The following KLHL12 variants were observed in gnomAD, a reference collection of about 807,000 sequenced individuals.
The protein encoded by KLHL12 is kelch like family member 12, also known as kelch-like protein 12.
A neutral mutation model predicts 60.8 loss-of-function variants in KLHL12; 17 were observed. The ratio of observed to expected loss-of-function variants is 0.28; its 90% confidence interval spans 0.19 to 0.42. The LOEUF is 0.42. Ranked by LOEUF, KLHL12 falls within the 10% of genes least tolerant of loss-of-function variation. The pLI, the probability that KLHL12 is intolerant of heterozygous loss-of-function variation, is 1.00. For synonymous variants in KLHL12, 220 were observed against 250.9 expected, an observed-to-expected ratio of 0.88 and a Z score of 1.16; for missense variants, 468 against 722.3, an observed-to-expected ratio of 0.65 and a Z score of 4.04.
rs1659730820 is a variant in KLHL12 at position 202,893,205 on chromosome 1, C to T, written c.1580+34G>A. 1 of 1,533,894 alleles carries T rather than the reference C, an allele frequency of 6.5e-7. No individual in the cohort carries two copies. The highest frequency in any genetic ancestry group is 8.8e-7 in the Non-Finnish European group (1 of 1,130,560). The stretch of plus-strand genomic sequence containing the variant: ...ATCACATAGACTCTTGCTCTGGCTA[C>T]ATATTGAGTCTGGATTCGTTTCTAA... On this transcript the variant is annotated intron_variant, in intron 11 of 11. Coordinates refer to ENST00000367261, the MANE Select transcript of KLHL12 (RefSeq NM_021633.4). This position sits in a 1 kb window ranked among gnomAD's most constrained non-coding sequence, Gnocchi z 4.1.
At position 202,896,939 on chromosome 1, in the gene KLHL12, A is replaced by G. The variant is rs1659852272; in HGVS notation, c.854T>C (p.Val285Ala). 6.2e-7 allele frequency: 1 copy of G among 1,614,072 alleles called. No individual in the cohort carries two copies. The highest frequency in any genetic ancestry group is 8.5e-7 in the Non-Finnish European group (1 of 1,179,974). The change falls in exon 7 of 12, where the codon GTG becomes GCG. Residue 285 changes from valine (V) to alanine (A), a missense_variant. By Grantham distance (64) the Val-to-Ala change is moderately conservative. Coordinates refer to ENST00000367261, the MANE Select transcript of KLHL12 (RefSeq NM_021633.4). ...CTGCTGGCTTCCAAAGCCCCCAACCACCAAAAGCACTTCATTGGCTCCTGA... is the reference window on the plus strand; with the variant it reads ...CTGCTGGCTTCCAAAGCCCCCAACCGCCAAAAGCACTTCATTGGCTCCTGA... ...ARLGANEVLL[V>A]VGGFGSQQSP...
chr1:202,896,710 G>C (rs1479146161), intron 7 of KLHL12, 144 bp downstream of exon 7: 35 of 704,102 alleles, frequency 5.0e-5, no homozygotes, highest in Non-Finnish European at 8.5e-5. Context: ...TGTTAAGTAA[G>C]TACCTACTAT....
In KLHL12 at chr1:202,919,700, T is replaced by C. The variant is rs911926291; in HGVS notation, c.349+55A>G. 8 of 1,519,102 alleles carry C rather than the reference T, an allele frequency of 5.3e-6. 1 individual carries two copies. The African/African-American group carries it at 8.4e-5, about 16-fold the overall frequency. The allele number at this position is 1,519,102 out of a possible 1,614,324, so 94.1% of individuals were successfully genotyped here. A position where few individuals can be genotyped will look rare whatever the true frequency, so the allele number is the denominator to read the frequency against. ...ATGATTAAGTTTACACTATTAATTT[T>C]CAACCTTTCCAGGGCTATTTTGACA... On this transcript the variant is annotated intron_variant, in intron 3 of 11. Coordinates refer to ENST00000367261, the MANE Select transcript of KLHL12 (RefSeq NM_021633.4).
At position 202,927,149 on chromosome 1, in the gene KLHL12, C is replaced by A. The variant is rs373418244; in HGVS notation, c.-106G>T. 9 of 985,230 alleles carry A rather than the reference C, an allele frequency of 9.1e-6. No individual in the cohort carries two copies. The South Asian group carries it at 3.8e-4, about 41-fold the overall frequency. 61.0% of individuals were successfully genotyped at this position (985,230 alleles called of 1,614,324 possible). A position where few individuals can be genotyped will look rare whatever the true frequency, so the allele number is the denominator to read the frequency against. ...GTCCCCAGCCTGTGGGGATGGAGTG[C>A]GGCGCGGGGCTAGCAGGCGGCTCGG... is the stretch of plus-strand genomic sequence containing the variant. On this transcript the variant is annotated 5_prime_UTR_variant, in exon 1 of 12. Coordinates refer to ENST00000367261, the MANE Select transcript of KLHL12 (RefSeq NM_021633.4).
At chr1:202,926,611 T>C (rs1653571448) in intron 1 of KLHL12, among the ~76,000 whole-genome samples, 1 of 152,208 alleles carries the variant, frequency 6.6e-6, no homozygotes, top group African/African-American at 2.4e-5. Context: ...CTTTTATCGT[T>C]TCCGTGTCAA....
intron 6 of KLHL12, among the ~76,000 whole-genome samples, chr1:202,900,796 G>C (rs934860013): frequency 1.3e-5 from 2 of 152,060 alleles, no homozygotes; most frequent in African/African-American, 4.8e-5. Flanking sequence ...CCTGGGAGAT[G>C]CAGGTTGCAG....
chr1:202,910,115 T>C (rs1660311102), intron 5 of KLHL12, among the ~76,000 whole-genome samples: 1 of 152,218 alleles, frequency 6.6e-6, no homozygotes, highest in African/African-American at 2.4e-5. Flanking sequence ...GACTTGGTTT[T>C]AAAAGTTTTC....
chr1:202,892,631 T>C lies in KLHL12; in HGVS notation c.1609A>G (p.Ile537Val). ...GYDGNSLLSSIECYDPIIDSW... is the reference protein window; with the variant it reads ...GYDGNSLLSSVECYDPIIDSW... Reference sequence around the variant, plus strand: ...TCGATGATAGGGTCATAACATTCAATGCTACTTAGCAGGGAATTACCATCA... The same window carrying C: ...TCGATGATAGGGTCATAACATTCAACGCTACTTAGCAGGGAATTACCATCA... The change falls in exon 12 of 12, where the codon ATT becomes GTT. Residue 537 changes from isoleucine to valine, a missense_variant. By Grantham distance (29) the Ile-to-Val change is conservative. Coordinates refer to ENST00000367261, the MANE Select transcript of KLHL12 (RefSeq NM_021633.4). 1 of 1,614,034 alleles carries C rather than the reference T, an allele frequency of 6.2e-7. No homozygotes were observed. The highest frequency in any genetic ancestry group is 1.1e-5 in the South Asian group (1 of 91,072).
chr1:202,892,706 G>A, intron 11 of KLHL12, 47 bp from the exon 12 acceptor site: 1 of 1,599,740 alleles, frequency 6.3e-7, no homozygotes, highest in East Asian at 2.2e-5. Flanking sequence ...GCTGCGTGCA[G>A]TGGCACGTGC....
chr1:202,892,505 C>A lies in KLHL12; in HGVS notation c.*28G>T. 3 of 1,610,486 alleles carry A rather than the reference C, an allele frequency of 1.9e-6. No individual in the cohort carries two copies. In the South Asian group the frequency reaches 3.3e-5, roughly 18 times the overall value. ...CACTAACTGTCCACTGGACTGGTCA[C>A]TAGCTCTGGATGGTGCTCCAACAAT... On this transcript the variant is annotated 3_prime_UTR_variant, in exon 12 of 12. Transcript: ENST00000367261.
intron 3 of KLHL12, 37 bp downstream of exon 3, chr1:202,919,718 T>C (rs372986075): frequency 5.7e-6 from 9 of 1,570,486 alleles, no homozygotes; most frequent in Non-Finnish European, 7.8e-6. Context: ...TCCAGGGCTA[T>C]TTTGACATAA....
intron 6 of KLHL12, among the ~76,000 whole-genome samples, chr1:202,905,346 G>A (rs1660150249): frequency 6.6e-6 from 1 of 152,158 alleles, no homozygotes; most frequent in Non-Finnish European, 1.5e-5. Flanking sequence ...AATAATGAGT[G>A]CTATCATGCA....
rs1660339502 is a variant in KLHL12, at chr1:202,911,101, T to G, written c.670A>C (p.Met224Leu). 6.2e-7 allele frequency: 1 copy of G among 1,614,040 alleles called. No individual in the cohort carries two copies. The highest frequency in any genetic ancestry group is 1.1e-5 in the South Asian group (1 of 91,074). The change falls in exon 5 of 12, where the codon ATG (methionine) becomes CTG (leucine). Residue 224 changes from methionine to leucine, a missense_variant. Met to Leu is a conservative substitution (Grantham distance 15). Coordinates refer to ENST00000367261, the MANE Select transcript of KLHL12 (RefSeq NM_021633.4). ...ATATACCTGGGGGTTAGTAGGGGCA[T>G]CCGCACATACTGTAGCAGGTTAGGC... ...SLPNLLQYVRMPLLTPRYITD... is the reference protein window; with the variant it reads ...SLPNLLQYVRLPLLTPRYITD...
intron 2 of KLHL12, among the ~76,000 whole-genome samples, chr1:202,920,573 T>C (rs1308679945): frequency 2.0e-5 from 3 of 151,380 alleles, no homozygotes; most frequent in Non-Finnish European, 4.4e-5. Flanking sequence ...AGACGGGGTT[T>C]CACCGTGTTA....
chr1:202,893,863 G>C lies in KLHL12; in HGVS notation c.1393+321C>G, dbSNP rs1659749786. Among the ~76,000 whole-genome samples the C allele has an allele frequency of 6.6e-6, 1 of 152,182 alleles. No individual in the cohort carries two copies. Among genetic ancestry groups the C allele is most frequent in the Admixed American group, 6.5e-5 (1 of 15,284 alleles). ...CCACTTCAAAAAGCTCTTGGTGAAG[G>C]TAAGTAGCTACTCTTTTGTCCTTAT... is the stretch of plus-strand genomic sequence containing the variant. On this transcript the variant is annotated intron_variant, in intron 10 of 11. Coordinates refer to ENST00000367261, the MANE Select transcript of KLHL12 (RefSeq NM_021633.4). The surrounding 1 kb of genome is among the most constrained non-coding windows in gnomAD (Gnocchi z 4.1).
At chr1:202,897,784 G>A (rs1264895565) in intron 6 of KLHL12, among the ~76,000 whole-genome samples, 1 of 151,066 alleles carries the variant, frequency 6.6e-6, no homozygotes, top group African/African-American at 2.4e-5. Flanking sequence ...TGCCCAGGCT[G>A]ATCTCAAACT....
chr1:202,923,436 ATT>A (rs1479533284), intron 2 of KLHL12, among the ~76,000 whole-genome samples: 1 of 152,206 alleles, frequency 6.6e-6, no homozygotes, highest in African/African-American at 2.4e-5. Flanking sequence ...ATTAGCCTGA[ATT>A]AGTTGGAATG....
rs2102409810 is a variant in KLHL12 at position 202,897,087 on chromosome 1, A to T, written c.833-127T>A. ...TTATGTGGCTGAGGGATGCAATCCG[A>T]AATGGGAGATAATCATAAGGCTGTC... On this transcript the variant is annotated intron_variant, in intron 6 of 11. Transcript: ENST00000367261. 4.0e-6 allele frequency: 3 copies of T among 748,392 alleles called. No individual in the cohort carries two copies. In the South Asian group the frequency reaches 4.5e-5, roughly 11 times the overall value. The allele number at this position is 748,392 out of a possible 1,614,324, so 46.4% of individuals were successfully genotyped here.
intron 1 of KLHL12, among the ~76,000 whole-genome samples, chr1:202,926,850 A>T (rs1653587084): frequency 6.6e-6 from 1 of 152,174 alleles, no homozygotes; most frequent in South Asian, 2.1e-4. Flanking sequence ...CTTCCTCCTA[A>T]TACCACCAGG....
Sources: gnomAD v4.1 joint callset for allele counts (sites outside exome capture counted in the v4.1 genomes callset) on GRCh38, gnomAD v4.1.1 for gene constraint, Gnocchi (gnomAD v3.1) non-coding constraint, MANE v1.5 for transcripts, NCBI Gene and HGNC (gene_info 2026-07-23, HGNC 2026-07-21) for gene names.